CCDC7: variants seen among roughly 807,000 people sequenced by gnomAD.
CCDC7 encodes the protein coiled-coil domain-containing protein 7.
In CCDC7, 183 loss-of-function variants were observed where a neutral mutation model predicts 196.9. The ratio of observed to expected loss-of-function variants is 0.93; its 90% CI spans 0.82 to 1.05. CCDC7 has a LOEUF of 1.05. CCDC7 is among the 50% of genes least tolerant of loss of function. The pLI is 0.00. For synonymous variants in CCDC7, 525 were observed against 484.6 expected, an observed-to-expected ratio of 1.08 and a Z score of -1.10; for missense variants, 1,540 against 1,482.2, an observed-to-expected ratio of 1.04 and a Z score of -0.64.
intron 21 of CCDC7, among the ~76,000 whole-genome samples, chr10:32,672,697 A>G (rs1206746699): frequency 1.3e-5 from 2 of 152,270 alleles, no homozygotes; most frequent in African/African-American, 4.8e-5. Flanking sequence ...AGCATGGCTG[A>G]TGCCCATAGC....
rs920610785 is a variant in CCDC7, at chr10:32,624,976, T to C, written c.1802-9278T>C. On this transcript the variant is annotated intron_variant, in intron 18 of 41. Coordinates refer to ENST00000639629, the Ensembl canonical transcript of CCDC7. ...CATTTCGTTGACTTTTTTCTTTGCTTTGCACAAGTTTTTTTTTTTTTTTTT... is the reference window on the plus strand; with the variant it reads ...CATTTCGTTGACTTTTTTCTTTGCTCTGCACAAGTTTTTTTTTTTTTTTTT... 8.6e-4 allele frequency among the ~76,000 whole-genome samples: 125 copies of C among 146,116 alleles called. 3 individuals are homozygous for C. Among genetic ancestry groups the C allele is most frequent in the Admixed American group, 1.2e-3 (16 of 13,906 alleles).
chr10:32,708,168 C>G (rs939526316), intron 24 of CCDC7, among the ~76,000 whole-genome samples: 1 of 150,726 alleles, frequency 6.6e-6, no homozygotes, highest in Non-Finnish European at 1.5e-5. Context: ...AATAATACCA[C>G]ACATCTACAC....
chr10:32,735,144 G>A (rs929218563), intron 28 of CCDC7, among the ~76,000 whole-genome samples: 3 of 152,048 alleles, frequency 2.0e-5, no homozygotes, highest in Admixed American at 6.6e-5. Flanking sequence ...CATTAATTAG[G>A]TGCAAAACAA....
intron 31 of CCDC7, among the ~76,000 whole-genome samples, chr10:32,821,258 T>G (rs2090129623): frequency 6.6e-6 from 1 of 151,940 alleles, no homozygotes; most frequent in Non-Finnish European, 1.5e-5. Context: ...AAAACCACAA[T>G]GAGATACCAT....
intron 24 of CCDC7, among the ~76,000 whole-genome samples, chr10:32,704,315 A>G (rs2079312768): frequency 1.3e-5 from 2 of 152,160 alleles, no homozygotes; most frequent in Admixed American, 6.5e-5. Context: ...CGGAAGCTGC[A>G]GAACAGTGGA....
chr10:32,451,074 T>A (rs1016897302), upstream of CCDC7, among the ~76,000 whole-genome samples: 1 of 152,214 alleles, frequency 6.6e-6, no homozygotes, highest in African/African-American at 2.4e-5. Context: ...TGTTTTCATC[T>A]ACAACCCTCC....
At chr10:32,461,570 A>T (rs1263301861) in intron 3 of CCDC7, among the ~76,000 whole-genome samples, 2 of 151,472 alleles carry the variant, frequency 1.3e-5, no homozygotes, top group Non-Finnish European at 2.9e-5. Flanking sequence ...GTTTAGCAGG[A>T]ACAGAGTTGT....
At position 32,702,130 on chromosome 10, in the gene CCDC7, T is replaced by A. The variant is rs564240207; in HGVS notation, c.2458+7138T>A. On this transcript the variant is annotated intron_variant, in intron 24 of 41. Coordinates refer to ENST00000639629, the Ensembl canonical transcript of CCDC7. ...TGATGTTAGGGTGTCCATTTTAGATTTTTCCTGCTTTCTCTTGTGGGCATT... is the reference window on the plus strand; with the variant it reads ...TGATGTTAGGGTGTCCATTTTAGATATTTCCTGCTTTCTCTTGTGGGCATT... Among the ~76,000 whole-genome samples the A allele has an allele frequency of 3.9e-5, 6 of 152,132 alleles. No individual in the cohort carries two copies. The East Asian group carries it at 1.2e-3, about 29-fold the overall frequency.
chr10:32,466,227 G>A (rs1388080114), intron 5 of CCDC7, among the ~76,000 whole-genome samples: 1 of 141,444 alleles, frequency 7.1e-6, no homozygotes, highest in African/African-American at 2.6e-5. Flanking sequence ...TTTGTATTAT[G>A]TACTGTTTTT....
downstream of CCDC7, among the ~76,000 whole-genome samples, chr10:32,880,355 G>A (rs547488213): frequency 7.1e-4 from 108 of 152,210 alleles, no homozygotes; most frequent in African/African-American, 2.5e-3. Flanking sequence ...GTCTTCTTTC[G>A]AGAAGTGTCT....
At chr10:32,743,806 A>G (rs1377940367) in intron 28 of CCDC7, among the ~76,000 whole-genome samples, 2 of 152,056 alleles carry the variant, frequency 1.3e-5, no homozygotes, top group Admixed American at 6.6e-5. Context: ...ATACTATGCA[A>G]CCATAAAAAG....
chr10:32,789,262 G>A (rs2082324711), intron 29 of CCDC7, among the ~76,000 whole-genome samples: 1 of 152,030 alleles, frequency 6.6e-6, no homozygotes, highest in African/African-American at 2.4e-5. Flanking sequence ...CTACATAAAT[G>A]GAGATTTATA....
At chr10:32,795,602 T>C (rs1195694743) in intron 29 of CCDC7, among the ~76,000 whole-genome samples, 3 of 152,210 alleles carry the variant, frequency 2.0e-5, no homozygotes, top group Non-Finnish European at 2.9e-5. Context: ...TCATGGTTCC[T>C]TGTTTGCTGT....
chr10:32,721,238 A>G (rs936821937), intron 25 of CCDC7, among the ~76,000 whole-genome samples: 2 of 152,218 alleles, frequency 1.3e-5, no homozygotes, highest in African/African-American at 2.4e-5. Context: ...AGTATCCACC[A>G]ATGTCCAATA....
chr10:32,575,359 C>T (rs768715080), intron 16 of CCDC7, among the ~76,000 whole-genome samples: 1 of 152,132 alleles, frequency 6.6e-6, no homozygotes, highest in Non-Finnish European at 1.5e-5. Context: ...TTACTAGTGA[C>T]CCAAATAGTA....
At chr10:32,625,154 T>A (rs1468053061) in intron 18 of CCDC7, among the ~76,000 whole-genome samples, 1 of 151,730 alleles carries the variant, frequency 6.6e-6, no homozygotes, top group Non-Finnish European at 1.5e-5. Context: ...GGTATTATGC[T>A]TAAAATTTTA....
chr10:32,743,777 G>A (rs950828427), intron 28 of CCDC7, among the ~76,000 whole-genome samples: 2 of 151,922 alleles, frequency 1.3e-5, no homozygotes, highest in Non-Finnish European at 2.9e-5. Flanking sequence ...AAGAAAATGT[G>A]GCACATATAC....
At chr10:32,694,502 A>C (rs1354529111) in intron 23 of CCDC7, among the ~76,000 whole-genome samples, 1 of 152,216 alleles carries the variant, frequency 6.6e-6, no homozygotes, top group Non-Finnish European at 1.5e-5. Flanking sequence ...CAGTTTATTC[A>C]ACCAGTCTCC....
chr10:32,452,876 A>C (rs1192347824), intron 1 of CCDC7, among the ~76,000 whole-genome samples: 2 of 152,118 alleles, frequency 1.3e-5, no homozygotes, highest in Non-Finnish European at 2.9e-5. Context: ...GCACAAATAT[A>C]AAAAAATATA....
Sources: gnomAD v4.1 joint callset for allele counts (sites outside exome capture counted in the v4.1 genomes callset) on GRCh38, gnomAD v4.1.1 for gene constraint, MANE v1.5 for transcripts, NCBI Gene and HGNC (gene_info 2026-07-23, HGNC 2026-07-21) for gene names.